VCL: variants seen among roughly 807,000 people sequenced by gnomAD.
VCL encodes vinculin.
In VCL, 47 loss-of-function variants were observed where a neutral mutation model predicts 125.7. The ratio of observed to expected loss-of-function variants is 0.37; its 90% confidence interval spans 0.30 to 0.48. The LOEUF is 0.48. Among genes scored for constraint, VCL ranks in the 20% least tolerant of loss-of-function variants. The pLI, the probability that VCL is intolerant of heterozygous loss-of-function variation, is 0.99. For synonymous variants in VCL, 458 were observed against 514.6 expected (o/e 0.89, Z 1.49); for missense variants, 1,069 against 1,455.5 (o/e 0.73, Z 4.32).
intron 15 of VCL, 187 bp from the exon 16 acceptor site, chr10:74,104,864 A>G (rs1430384551): frequency 2.9e-6 from 2 of 700,346 alleles, no homozygotes; most frequent in Middle Eastern, 4.0e-4. Flanking sequence ...CTTTTGGGCT[A>G]TGTCCTCACT....
intron 18 of VCL, 86 bp from the exon 19 acceptor site, chr10:74,111,823 C>A: frequency 6.5e-7 from 1 of 1,544,060 alleles, no homozygotes. Context: ...GCTTTGGTTA[C>A]TAAACCAGCT....
Position 74,089,283 on chromosome 10 carries a change from A to C in VCL, c.1110A>C (p.Ala370=). The change falls in exon 9 of 22, where the codon GCA becomes GCC. Residue 370 remains alanine, a synonymous_variant. Transcript: ENST00000211998. ...TGCTCACAGCAAAAGTGGAAAATGC[A>C]GCTCGCAAGCTGGAAGCCATGACCA... ...LDVLTAKVEN[A]ARKLEAMTNS... 6.2e-7 allele frequency: 1 copy of C among 1,614,202 alleles called. No homozygotes were observed. The highest frequency in any genetic ancestry group is 1.1e-5 in the South Asian group (1 of 91,082).
intron 5 of VCL, 139 bp from the exon 6 acceptor site, chr10:74,074,604 A>G (rs1239486796): frequency 1.0e-6 from 1 of 953,318 alleles, no homozygotes; most frequent in East Asian, 2.5e-5. Context: ...TTTATTGTCA[A>G]ACTTGTAGTG....
intron 1 of VCL, among the ~76,000 whole-genome samples, chr10:74,021,080 C>T (rs10458640): frequency 0.62 from 94,651 of 151,702 alleles, 30,086 homozygotes; most frequent in Middle Eastern, 0.66. Context: ...TCCATCTTTT[C>T]GTTATTGTTT....
chr10:74,110,912 C>T (rs979539421), intron 18 of VCL, among the ~76,000 whole-genome samples: 2 of 152,144 alleles, frequency 1.3e-5, no homozygotes, highest in African/African-American at 4.8e-5. Flanking sequence ...AATTCATGTT[C>T]TCTCCATCAT....
Position 74,103,836 on chromosome 10 carries a change from G to C in VCL, c.2039G>C (p.Arg680Pro). 6.2e-7 allele frequency: 1 copy of C among 1,614,060 alleles called. No homozygotes were observed. Among genetic ancestry groups the C allele is most frequent in the Non-Finnish European group, 8.5e-7 (1 of 1,179,970 alleles). Residue 680 changes from arginine to proline, a missense_variant, in exon 15 of 22, where the codon CGT becomes CCT. Physicochemically the swap from Arg to Pro is moderately radical, Grantham distance 103. This residue lies in a region of VCL where 760 missense variants were observed against 928.9 expected (regional missense o/e 0.82). Coordinates refer to ENST00000211998, the MANE Select transcript of VCL (RefSeq NM_014000.3). ...CATTGTCAGGTGGTCTCGGCTGCTCGTATCTTACTTAGGAACCCTGGAAAT... is the reference window on the plus strand; with the variant it reads ...CATTGTCAGGTGGTCTCGGCTGCTCCTATCTTACTTAGGAACCCTGGAAAT... The part of the protein sequence containing the change: ...ELTPQVVSAA[R>P]ILLRNPGNQA...
chr10:74,051,818 G>T (rs908831656), intron 2 of VCL, among the ~76,000 whole-genome samples: 2 of 152,180 alleles, frequency 1.3e-5, no homozygotes, highest in African/African-American at 2.4e-5. Context: ...TCCCAAGAGG[G>T]TTCTTGGCTT....
At chr10:74,108,469 CTTTT>C (rs796858541) in intron 17 of VCL, among the ~76,000 whole-genome samples, 1 of 145,708 alleles carries the variant, frequency 6.9e-6, no homozygotes, top group Admixed American at 6.9e-5. Flanking sequence ...AGCTGCAAGC[CTTTT>C]TTTTTTTTCT....
chr10:74,039,417 A>G (rs1318756794), intron 1 of VCL, among the ~76,000 whole-genome samples: 1 of 152,176 alleles, frequency 6.6e-6, no homozygotes, highest in East Asian at 1.9e-4. Flanking sequence ...CCTCCCTGCA[A>G]TCATCTAGGA....
intron 2 of VCL, among the ~76,000 whole-genome samples, chr10:74,052,488 T>C (rs1406762644): frequency 6.6e-6 from 1 of 150,660 alleles, no homozygotes; most frequent in African/African-American, 2.4e-5. Context: ...GCGATTCTCA[T>C]GCCTCAGCCC....
At chr10:74,043,994 C>T (rs1841147440) in intron 2 of VCL, among the ~76,000 whole-genome samples, 1 of 151,758 alleles carries the variant, frequency 6.6e-6, no homozygotes, top group South Asian at 2.1e-4. Context: ...GCCTGTAGTC[C>T]CAGCTATTTG....
chr10:74,021,244 A>G (rs1231019274), intron 1 of VCL, among the ~76,000 whole-genome samples: 6 of 152,058 alleles, frequency 3.9e-5, no homozygotes, highest in Admixed American at 2.6e-4. Context: ...TATGGTTGTT[A>G]TCATGAATTA....
intron 2 of VCL, among the ~76,000 whole-genome samples, chr10:74,060,711 T>C (rs1841467435): frequency 6.6e-6 from 1 of 151,994 alleles, no homozygotes; most frequent in South Asian, 2.1e-4. Context: ...TGGTAGTCTT[T>C]TTATAATCTC....
At chr10:74,026,583 T>C (rs1197600677) in intron 1 of VCL, among the ~76,000 whole-genome samples, 1 of 152,176 alleles carries the variant, frequency 6.6e-6, no homozygotes, top group African/African-American at 2.4e-5. Context: ...CACAAACGAA[T>C]ATTGCAATGG....
intron 21 of VCL, 33 bp downstream of exon 21, chr10:74,114,932 C>G (rs1410720869): frequency 1.3e-6 from 2 of 1,551,558 alleles, no homozygotes; most frequent in Middle Eastern, 1.7e-4. Context: ...TTCTGGCTGG[C>G]AGCTTCTGTG....
intron 13 of VCL, among the ~76,000 whole-genome samples, chr10:74,098,516 G>A (rs188962026): frequency 2.1e-4 from 32 of 152,354 alleles, no homozygotes; most frequent in African/African-American, 7.2e-4. Flanking sequence ...TGCTGAATGA[G>A]TGAAAATAGA....
At chr10:74,083,942 A>G (rs1188430625) in intron 8 of VCL, among the ~76,000 whole-genome samples, 1 of 151,798 alleles carries the variant, frequency 6.6e-6, no homozygotes, top group African/African-American at 2.4e-5. Context: ...ATCTTGGGTC[A>G]CTGCAACCTC....
intron 2 of VCL, among the ~76,000 whole-genome samples, chr10:74,065,437 C>T (rs1261418787): frequency 2.6e-5 from 4 of 151,980 alleles, no homozygotes; most frequent in African/African-American, 9.7e-5. Context: ...GTGCCTGGCC[C>T]CCAGCACTTT....
In VCL at chr10:74,105,479, T is replaced by C. The variant is rs1020830417; in HGVS notation, c.2434+126T>C. On this transcript the variant is annotated intron_variant, in intron 16 of 21. Coordinates refer to ENST00000211998, the MANE Select transcript of VCL (RefSeq NM_014000.3). ...GGGGCAAAAACTATAGACACTTAGT[T>C]TGAGAATGCTAGATTAATCTTTTTC... is the stretch of plus-strand genomic sequence containing the variant. 15 of 1,162,152 alleles carry C rather than the reference T, an allele frequency of 1.3e-5. No individual in the cohort carries two copies. In the African/African-American group the frequency reaches 1.5e-4, roughly 12 times the overall value. The allele number at this position is 1,162,152 out of a possible 1,614,324, so 72.0% of individuals were successfully genotyped here.
Sources: gnomAD v4.1 joint callset for allele counts (sites outside exome capture counted in the v4.1 genomes callset) on GRCh38, gnomAD v4.1.1 for gene constraint, gnomAD v4.1.1 regional missense constraint, MANE v1.5 for transcripts, NCBI Gene and HGNC (gene_info 2026-07-23, HGNC 2026-07-21) for gene names.